PDGFC: variants seen among roughly 807,000 people sequenced by gnomAD.
The protein encoded by PDGFC is platelet derived growth factor C.
Under a neutral mutation model 35.5 loss-of-function variants are expected in PDGFC, and 12 were observed. That is an observed-to-expected ratio of 0.34 (90% CI 0.22 to 0.55). PDGFC has a LOEUF of 0.55. Ranked by LOEUF, PDGFC falls within the 20% of genes least tolerant of loss-of-function variation. PDGFC has a pLI of 0.91. For missense variants in PDGFC, 322 were observed against 412.4 expected, an observed-to-expected ratio of 0.78 and a Z score of 1.90; for synonymous variants, 159 against 148.8, an observed-to-expected ratio of 1.07 and a Z score of -0.50.
intron 1 of PDGFC, among the ~76,000 whole-genome samples, chr4:156,910,552 T>C (rs1368077144): frequency 6.6e-6 from 1 of 152,126 alleles, no homozygotes; most frequent in Non-Finnish European, 1.5e-5. Flanking sequence ...GAAATAAATG[T>C]CCAAGAGTGT....
intron 2 of PDGFC, among the ~76,000 whole-genome samples, chr4:156,827,800 T>A (rs1331979506): frequency 6.6e-6 from 1 of 150,568 alleles, no homozygotes; most frequent in East Asian, 1.9e-4. Flanking sequence ...TACAGCACTG[T>A]TATCACCAAA....
intron 1 of PDGFC, among the ~76,000 whole-genome samples, chr4:156,894,716 G>C (rs1730589532): frequency 6.6e-6 from 1 of 152,104 alleles, no homozygotes; most frequent in African/African-American, 2.4e-5. Context: ...ATAGGAAATT[G>C]AAAGAACTCT....
intron 1 of PDGFC, among the ~76,000 whole-genome samples, chr4:156,935,682 T>A (rs1455425829): frequency 2.0e-5 from 3 of 152,218 alleles, no homozygotes; most frequent in African/African-American, 4.8e-5. Context: ...TAAAATAAGG[T>A]TTGTATTGAT....
chr4:156,762,341 A>C lies in PDGFC; in HGVS notation c.*749T>G, dbSNP rs918523444. 1 of 152,644 alleles carries C rather than the reference A, an allele frequency of 6.6e-6. No homozygotes were observed. Among genetic ancestry groups the C allele is most frequent in the Non-Finnish European group, 1.5e-5 (1 of 68,042 alleles). The allele number at this position is 152,644 out of a possible 1,614,324, so 9.5% of individuals were successfully genotyped here. On this transcript the variant is annotated 3_prime_UTR_variant, in exon 6 of 6. Coordinates refer to ENST00000502773, the MANE Select transcript of PDGFC (RefSeq NM_016205.3). ...ATATTTAACAAGATTAGAAAAGCCA[A>C]CAGTTATAATGTCAAAAGGAGAATA...
chr4:156,933,247 G>A lies in PDGFC; in HGVS notation c.118+37539C>T, dbSNP rs561773071. ...GAAATGCTGCTTATATATTTAATAAGATATCCAAACTTAACTACAGTAGAT... is the reference window on the plus strand; with the variant it reads ...GAAATGCTGCTTATATATTTAATAAAATATCCAAACTTAACTACAGTAGAT... On this transcript the variant is annotated intron_variant, in intron 1 of 5. Coordinates refer to ENST00000502773, the MANE Select transcript of PDGFC (RefSeq NM_016205.3). Among the ~76,000 whole-genome samples the A allele has an allele frequency of 6.6e-5, 10 of 152,274 alleles. No individual in the cohort carries two copies. The South Asian group carries it at 2.1e-3, about 32-fold the overall frequency.
intron 5 of PDGFC, among the ~76,000 whole-genome samples, chr4:156,765,304 G>T (rs1730493624): frequency 6.6e-6 from 1 of 152,152 alleles, no homozygotes; most frequent in Non-Finnish European, 1.5e-5. Flanking sequence ...CACCAGAAAA[G>T]AAACAGGGCT....
intron 3 of PDGFC, among the ~76,000 whole-genome samples, chr4:156,802,713 A>G (rs1731648135): frequency 6.6e-6 from 1 of 152,198 alleles, no homozygotes; most frequent in Admixed American, 6.5e-5. Context: ...AAGAGATGAG[A>G]GGAATCAGAG....
At chr4:156,852,320 G>A (rs979507580) in intron 1 of PDGFC, among the ~76,000 whole-genome samples, 2 of 152,148 alleles carry the variant, frequency 1.3e-5, no homozygotes, top group African/African-American at 4.8e-5. Context: ...GTGCCATCAA[G>A]CTGTGTAACA....
intron 1 of PDGFC, among the ~76,000 whole-genome samples, chr4:156,969,854 T>C (rs1183255345): frequency 6.6e-6 from 1 of 152,204 alleles, no homozygotes; most frequent in Non-Finnish European, 1.5e-5. Context: ...ACATGAACAT[T>C]GTGGTTTCAT....
chr4:156,841,922 A>T (rs1388988812), intron 2 of PDGFC: 1 of 152,170 alleles, frequency 6.6e-6, no homozygotes, highest in Non-Finnish European at 1.5e-5. Context: ...TATATGTTTC[A>T]ATGTAAGCCT....
At chr4:156,824,381 C>CATACACACACATATAT (rs1732382182) in intron 2 of PDGFC, among the ~76,000 whole-genome samples, 1 of 141,898 alleles carries the variant, frequency 7.0e-6, no homozygotes, top group Non-Finnish European at 1.5e-5. Flanking sequence ...CACATACATA[C>CATACACACACATATAT]ATACACACAC....
chr4:156,838,912 A>G (rs987771401), intron 2 of PDGFC, among the ~76,000 whole-genome samples: 2 of 152,136 alleles, frequency 1.3e-5, no homozygotes, highest in Admixed American at 6.5e-5. Flanking sequence ...GAGAAAAGAC[A>G]AGTTAAGAGA....
chr4:156,908,451 T>C (rs1034377909), intron 1 of PDGFC, among the ~76,000 whole-genome samples: 1 of 152,188 alleles, frequency 6.6e-6, no homozygotes, highest in African/African-American at 2.4e-5. Context: ...AGAATATTTA[T>C]ATAAATGATA....
intron 1 of PDGFC, among the ~76,000 whole-genome samples, chr4:156,893,190 G>T (rs1367083730): frequency 6.6e-6 from 1 of 152,112 alleles, no homozygotes; most frequent in African/African-American, 2.4e-5. Flanking sequence ...GAAGGTTAAG[G>T]TATGAAGAAA....
chr4:156,768,082 C>A, intron 4 of PDGFC, 92 bp from the exon 5 acceptor site: 1 of 782,486 alleles, frequency 1.3e-6, no homozygotes, highest in Non-Finnish European at 2.2e-6. Flanking sequence ...AGAAATCTTA[C>A]GTTATTTCAT....
At chr4:156,833,259 G>T (rs929865502) in intron 2 of PDGFC, among the ~76,000 whole-genome samples, 1 of 152,164 alleles carries the variant, frequency 6.6e-6, no homozygotes, top group African/African-American at 2.4e-5. Context: ...TAGTTAAAAG[G>T]TTCGCTGAGG....
chr4:156,902,218 TTG>T (rs1730806027), intron 1 of PDGFC, among the ~76,000 whole-genome samples: 1 of 152,224 alleles, frequency 6.6e-6, no homozygotes, highest in East Asian at 1.9e-4. Context: ...TAAAATATAT[TTG>T]TGATTTTTGT....
At chr4:156,887,242 T>C (rs912831656) in intron 1 of PDGFC, among the ~76,000 whole-genome samples, 12 of 152,178 alleles carry the variant, frequency 7.9e-5, no homozygotes. Flanking sequence ...CATTAACAAA[T>C]AATTTATAAT....
chr4:156,794,905 A>G (rs1306909350), intron 3 of PDGFC, among the ~76,000 whole-genome samples: 1 of 152,178 alleles, frequency 6.6e-6, no homozygotes, highest in Non-Finnish European at 1.5e-5. Context: ...ACGATTTTCC[A>G]ATGACATATC....
Sources: gnomAD v4.1 joint callset for allele counts (sites outside exome capture counted in the v4.1 genomes callset) on GRCh38, gnomAD v4.1.1 for gene constraint, MANE v1.5 for transcripts, NCBI Gene and HGNC (gene_info 2026-07-23, HGNC 2026-07-21) for gene names.